The following PAPPA2 variants were observed in gnomAD, a reference collection of about 807,000 sequenced individuals.
PAPPA2 encodes the protein pappalysin 2, also known as pappalysin-2.
A neutral mutation model predicts 176.4 loss-of-function variants in PAPPA2; 86 were observed. The ratio of observed to expected loss-of-function variants is 0.49; its 90% CI spans 0.41 to 0.58. The LOEUF (loss-of-function observed/expected upper bound fraction) is 0.58, where lower values mean the gene tolerates loss of function less well. PAPPA2 is among the 20% of genes least tolerant of loss of function. The pLI is 0.00. For missense variants in PAPPA2, 2,073 were observed against 2,256.9 expected, an observed-to-expected ratio of 0.92 and a Z score of 1.65; for synonymous variants, 809 against 852.2, an observed-to-expected ratio of 0.95 and a Z score of 0.88.
intron 14 of PAPPA2, among the ~76,000 whole-genome samples, chr1:176,752,574 C>T (rs1340491208): frequency 1.3e-5 from 2 of 152,164 alleles, no homozygotes; most frequent in African/African-American, 4.8e-5. Context: ...ATGCCCCAGA[C>T]TCACAGATAG....
chr1:176,546,626 T>C (rs937077663), intron 1 of PAPPA2, among the ~76,000 whole-genome samples: 2 of 152,212 alleles, frequency 1.3e-5, no homozygotes. Context: ...GCAATAATTA[T>C]TGCAAAAGAG....
intron 3 of PAPPA2, among the ~76,000 whole-genome samples, chr1:176,639,372 A>G (rs1656932478): frequency 1.3e-5 from 2 of 152,146 alleles, no homozygotes; most frequent in Admixed American, 6.6e-5. Flanking sequence ...TGGCCCTTCC[A>G]TTGTGTGGCT....
At chr1:176,487,828 A>G (rs1225349160) in intron 1 of PAPPA2, among the ~76,000 whole-genome samples, 1 of 152,164 alleles carries the variant, frequency 6.6e-6, no homozygotes, top group Non-Finnish European at 1.5e-5. Context: ...ACAGGGAAGA[A>G]GTGAAAAATA....
At chr1:176,779,515 CACACAG>C (rs1404260892) in intron 17 of PAPPA2, among the ~76,000 whole-genome samples, 1,697 of 115,984 alleles carry the variant, frequency 0.015, 11 homozygotes, top group African/African-American at 0.027. Context: ...CACACACACA[CACACAG>C]AGAGAGAGAG....
Position 176,806,751 on chromosome 1 carries a change from C to G in PAPPA2, c.5202+6619C>G, listed in dbSNP as rs555174860. 1.6e-4 allele frequency among the ~76,000 whole-genome samples: 25 copies of G among 152,270 alleles called. 1 individual carries two copies. The South Asian group carries it at 5.2e-3, about 32-fold the overall frequency. On this transcript the variant is annotated intron_variant, in intron 21 of 22. Coordinates refer to ENST00000367662, the MANE Select transcript of PAPPA2 (RefSeq NM_020318.3). ...TGGTTTGGGGCCTTCAGAGAGGTCA[C>G]ACCTCAGTAAAGCATGGTTGTGCTA...
chr1:176,730,327 T>C (rs1023329559), intron 12 of PAPPA2, among the ~76,000 whole-genome samples: 11 of 151,978 alleles, frequency 7.2e-5, no homozygotes, highest in Non-Finnish European at 1.3e-4. Flanking sequence ...TTTCTATTTT[T>C]TCCAATTTTG....
chr1:176,689,231 G>A (rs1306179942), intron 4 of PAPPA2, among the ~76,000 whole-genome samples: 1 of 152,192 alleles, frequency 6.6e-6, no homozygotes, highest in Non-Finnish European at 1.5e-5. Flanking sequence ...CAGGAATTAG[G>A]ATTCCAACAA....
chr1:176,618,507 A>G (rs557274576), intron 3 of PAPPA2, among the ~76,000 whole-genome samples: 3 of 152,356 alleles, frequency 2.0e-5, no homozygotes, highest in South Asian at 4.1e-4. Context: ...ATTTTAATTA[A>G]TGAGCTTTTG....
chr1:176,840,389 A>G, intron 22 of PAPPA2, 118 bp downstream of exon 22: 1 of 769,958 alleles, frequency 1.3e-6, no homozygotes, highest in Non-Finnish European at 2.1e-6. Flanking sequence ...ATTAGGAGGG[A>G]ATTATAATGA....
intron 1 of PAPPA2, among the ~76,000 whole-genome samples, chr1:176,473,526 C>T (rs1651979701): frequency 6.6e-6 from 1 of 152,050 alleles, no homozygotes; most frequent in African/African-American, 2.4e-5. Flanking sequence ...GTAAGTTTTA[C>T]AGTCACTTGG....
chr1:176,844,358 A>G lies in PAPPA2; in HGVS notation c.*1904A>G, dbSNP rs1667589447. The G allele has an allele frequency of 6.6e-6, 1 of 152,170 alleles. No individual in the cohort carries two copies. The highest frequency in any genetic ancestry group is 1.5e-5 in the Non-Finnish European group (1 of 68,034). The allele number at this position is 152,170 out of a possible 1,614,324, so 9.4% of individuals were successfully genotyped here. Reference sequence around the variant, plus strand: ...GAAATACTACCACAATGATAGAAATATTATCCACACTATCACGTAGGGAAG... The same window carrying G: ...GAAATACTACCACAATGATAGAAATGTTATCCACACTATCACGTAGGGAAG... On this transcript the variant is annotated 3_prime_UTR_variant, in exon 23 of 23. Coordinates refer to ENST00000367662, the MANE Select transcript of PAPPA2 (RefSeq NM_020318.3).
Position 176,563,353 on chromosome 1 carries a change from C to T in PAPPA2, c.919+6112C>T, listed in dbSNP as rs146069488. Reference sequence around the variant, plus strand: ...TTCAATAGGAGCATCCCCTCCCTTACCTGTTTCATGTGAAGGAGGGGCTTA... The same window carrying T: ...TTCAATAGGAGCATCCCCTCCCTTATCTGTTTCATGTGAAGGAGGGGCTTA... On this transcript the variant is annotated intron_variant, in intron 2 of 22. Coordinates refer to ENST00000367662, the MANE Select transcript of PAPPA2 (RefSeq NM_020318.3). Among the ~76,000 whole-genome samples, 31 of 152,278 alleles carry T rather than the reference C, an allele frequency of 2.0e-4. No individual in the cohort carries two copies. In the East Asian group the frequency reaches 6.0e-3, roughly 29 times the overall value.
At chr1:176,833,819 T>C (rs1052103981) in intron 21 of PAPPA2, among the ~76,000 whole-genome samples, 5 of 151,458 alleles carry the variant, frequency 3.3e-5, no homozygotes, top group African/African-American at 1.2e-4. Flanking sequence ...TACATATATA[T>C]GTGTATATAT....
chr1:176,667,626 C>G (rs921462992), intron 3 of PAPPA2, among the ~76,000 whole-genome samples: 11 of 152,116 alleles, frequency 7.2e-5, no homozygotes, highest in Non-Finnish European at 1.5e-4. Flanking sequence ...AGAGGCAGTG[C>G]AGTCAGGCTC....
intron 14 of PAPPA2, among the ~76,000 whole-genome samples, chr1:176,752,330 C>A (rs1663217161): frequency 4.1e-5 from 4 of 98,654 alleles, no homozygotes; most frequent in Non-Finnish European, 7.4e-5. Context: ...TACCCTAAAA[C>A]TTAGAGTATA....
intron 2 of PAPPA2, among the ~76,000 whole-genome samples, chr1:176,584,998 A>G (rs2102634769): frequency 6.6e-6 from 1 of 152,296 alleles, no homozygotes; most frequent in South Asian, 2.1e-4. Flanking sequence ...TTGGCCTCCC[A>G]AAGTGCTGGG....
At chr1:176,639,714 T>C (rs1337399759) in intron 3 of PAPPA2, among the ~76,000 whole-genome samples, 1 of 148,322 alleles carries the variant, frequency 6.7e-6, no homozygotes, top group East Asian at 1.9e-4. Flanking sequence ...TTTTTCTTTT[T>C]CTTTCTTTTT....
At chr1:176,815,092 A>G (rs1030561647) in intron 21 of PAPPA2, among the ~76,000 whole-genome samples, 2 of 152,160 alleles carry the variant, frequency 1.3e-5, no homozygotes, top group Non-Finnish European at 2.9e-5. Context: ...TTTTTAAAGT[A>G]TATATGTATA....
chr1:176,763,286 A>G (rs1265120985), intron 14 of PAPPA2, among the ~76,000 whole-genome samples: 3 of 152,178 alleles, frequency 2.0e-5, no homozygotes, highest in African/African-American at 7.2e-5. Flanking sequence ...GAGCAAGAAA[A>G]TATCTTGCTA....
Sources: gnomAD v4.1 joint callset for allele counts (sites outside exome capture counted in the v4.1 genomes callset) on GRCh38, gnomAD v4.1.1 for gene constraint, MANE v1.5 for transcripts, NCBI Gene and HGNC (gene_info 2026-07-23, HGNC 2026-07-21) for gene names.